The following SBF2 variants were observed in gnomAD, a reference collection of about 807,000 sequenced individuals.
The protein encoded by SBF2 is SET binding factor 2, also known as myotubularin-related protein 13.
SBF2 carries 112 observed loss-of-function variants against 225.2 expected under a neutral mutation model. The ratio of observed to expected loss-of-function variants is 0.50; its 90% CI spans 0.43 to 0.58. The LOEUF (loss-of-function observed/expected upper bound fraction) is 0.58. Ranked by LOEUF, SBF2 falls within the 20% of genes least tolerant of loss-of-function variation. The pLI, the probability that SBF2 is intolerant of heterozygous loss-of-function variation, is 0.00. For missense variants in SBF2, 1,996 were observed against 2,206.2 expected, an observed-to-expected ratio of 0.90 and a Z score of 1.91; for synonymous variants, 763 against 773.3, an observed-to-expected ratio of 0.99 and a Z score of 0.22.
chr11:9,929,035 T>C (rs1864275896), intron 16 of SBF2: 4 of 454,112 alleles, frequency 8.8e-6, no homozygotes, highest in Non-Finnish European at 1.7e-5. Context: ...GTGCAGTGCT[T>C]GTTCAAGAAG....
intron 17 of SBF2, among the ~76,000 whole-genome samples, chr11:9,861,603 GC>G (rs1159031750): frequency 6.6e-6 from 1 of 150,474 alleles, no homozygotes; most frequent in African/African-American, 2.5e-5. Context: ...GGTGGAGGTT[GC>G]AGTGAGCTGA....
intron 1 of SBF2, among the ~76,000 whole-genome samples, chr11:10,207,328 T>C (rs1218891009): frequency 1.3e-5 from 2 of 152,134 alleles, no homozygotes; most frequent in African/African-American, 2.4e-5. Context: ...ACATTGAAGA[T>C]TGGCTGAAGG....
At chr11:10,258,810 T>C (rs904829103) in intron 1 of SBF2, among the ~76,000 whole-genome samples, 1 of 152,064 alleles carries the variant, frequency 6.6e-6, no homozygotes, top group Admixed American at 6.6e-5. Context: ...GATATATCTT[T>C]AAAAATGGGA....
intron 16 of SBF2, among the ~76,000 whole-genome samples, chr11:9,935,469 T>C (rs527372668): frequency 6.6e-6 from 1 of 152,236 alleles, no homozygotes; most frequent in Admixed American, 6.5e-5. Context: ...AAAGTTCATA[T>C]GGAACCAAAA....
intron 35 of SBF2, 82 bp downstream of exon 35, chr11:9,789,027 A>T (rs1202382384): frequency 6.8e-6 from 8 of 1,171,722 alleles, no homozygotes; most frequent in Non-Finnish European, 8.9e-6. Context: ...AGCCATGTTC[A>T]GAAGTTACTT....
At chr11:10,188,592 TGA>T (rs1303832745) in intron 2 of SBF2, among the ~76,000 whole-genome samples, 2 of 152,180 alleles carry the variant, frequency 1.3e-5, no homozygotes, top group African/African-American at 4.8e-5. Flanking sequence ...TAAGCAGAAT[TGA>T]GAGACACTAG....
rs182961820 is a variant in SBF2, at chr11:10,231,442, T to C, written c.56-37455A>G. Among the ~76,000 whole-genome samples, 16 of 152,326 alleles carry C rather than the reference T, an allele frequency of 1.1e-4. No homozygotes were observed. The East Asian group carries it at 3.1e-3, about 29-fold the overall frequency. ...TTTTTTCCCCATCTTTGTGGCTTTA[T>C]CTACCTTTGGTCTTTGACAATGGTG... On this transcript the variant is annotated intron_variant, in intron 1 of 39. Coordinates refer to ENST00000256190, the MANE Select transcript of SBF2 (RefSeq NM_030962.4).
At position 10,028,177 on chromosome 11, in the gene SBF2, G is replaced by A. The variant is rs1191264045; in HGVS notation, c.619+275C>T. 2.0e-5 allele frequency among the ~76,000 whole-genome samples: 3 copies of A among 152,030 alleles called. No individual in the cohort carries two copies. The East Asian group carries it at 5.8e-4, about 29-fold the overall frequency. ...AATCCTCCTGCCTCGGCCTCCCAAA[G>A]TACTGTGATTACAGGCATGAGCTAC... On this transcript the variant is annotated intron_variant, in intron 6 of 39. Coordinates refer to ENST00000256190, the MANE Select transcript of SBF2 (RefSeq NM_030962.4).
At chr11:9,852,366 C>T (rs1304015358) in intron 21 of SBF2, among the ~76,000 whole-genome samples, 2 of 152,020 alleles carry the variant, frequency 1.3e-5, no homozygotes, top group African/African-American at 4.8e-5. Flanking sequence ...AGAAAATAGG[C>T]ACAGTATAAA....
chr11:10,286,935 A>C (rs886847852), intron 1 of SBF2, among the ~76,000 whole-genome samples: 2 of 152,224 alleles, frequency 1.3e-5, no homozygotes, highest in African/African-American at 4.8e-5. Context: ...ATGAACATGA[A>C]AACATTCAAA....
At chr11:10,067,303 T>G (rs569873677) in intron 2 of SBF2, among the ~76,000 whole-genome samples, 1 of 152,216 alleles carries the variant, frequency 6.6e-6, no homozygotes, top group Non-Finnish European at 1.5e-5. Context: ...AATCTATGTT[T>G]GAATAAATCT....
chr11:10,296,726 A>G (rs1432493615), upstream of SBF2, among the ~76,000 whole-genome samples: 1 of 152,070 alleles, frequency 6.6e-6, no homozygotes, highest in Non-Finnish European at 1.5e-5. Context: ...CCTGTTTTCA[A>G]TTTTGGGGAT....
At chr11:9,938,946 A>G (rs1360606395) in intron 16 of SBF2, among the ~76,000 whole-genome samples, 1 of 152,098 alleles carries the variant, frequency 6.6e-6, no homozygotes, top group Non-Finnish European at 1.5e-5. Flanking sequence ...AAAAATTGTA[A>G]AGGGCAATAT....
intron 13 of SBF2, among the ~76,000 whole-genome samples, chr11:9,972,238 A>G (rs1251159748): frequency 6.6e-6 from 1 of 152,134 alleles, no homozygotes; most frequent in Non-Finnish European, 1.5e-5. Context: ...GAGCTGTTAC[A>G]GTAAAGCTGT....
chr11:10,294,089 G>C lies in SBF2; in HGVS notation c.-20C>G. On this transcript the variant is annotated 5_prime_UTR_variant, in exon 1 of 40. Transcript: ENST00000256190. The stretch of plus-strand genomic sequence containing the variant: ...GGCCATGGCCGCCGCCGCCGCGCTC[G>C]GGAAGCGGGTCCCCGTCGCCGCCCT... 2 of 1,351,984 alleles carry C rather than the reference G, an allele frequency of 1.5e-6. No individual in the cohort carries two copies. Among genetic ancestry groups the C allele is most frequent in the Non-Finnish European group, 1.9e-6 (2 of 1,052,070 alleles). 83.7% of individuals were successfully genotyped at this position (1,351,984 alleles called of 1,614,324 possible). A position where few individuals can be genotyped will look rare whatever the true frequency, so the allele number is the denominator to read the frequency against.
At chr11:10,281,816 CA>C (rs1157503114) in intron 1 of SBF2, among the ~76,000 whole-genome samples, 3 of 152,170 alleles carry the variant, frequency 2.0e-5, no homozygotes, top group African/African-American at 7.2e-5. Context: ...CCCACAAACA[CA>C]AATGAGTAAC....
At chr11:9,879,388 C>A (rs1046436426) in intron 17 of SBF2, among the ~76,000 whole-genome samples, 1 of 152,062 alleles carries the variant, frequency 6.6e-6, no homozygotes, top group Non-Finnish European at 1.5e-5. Context: ...TATTCTAATT[C>A]CTATCTTCAG....
chr11:10,004,687 T>A (rs919885799), intron 6 of SBF2, among the ~76,000 whole-genome samples: 1 of 151,826 alleles, frequency 6.6e-6, no homozygotes, highest in Non-Finnish European at 1.5e-5. Flanking sequence ...GTCATCCCTG[T>A]ACTCCTGTGA....
intron 26 of SBF2, among the ~76,000 whole-genome samples, chr11:9,833,511 C>T (rs1386226281): frequency 6.6e-6 from 1 of 150,424 alleles, no homozygotes; most frequent in Non-Finnish European, 1.5e-5. Flanking sequence ...AGCTCCGCCT[C>T]CCGGGTTCAC....
Sources: gnomAD v4.1 joint callset for allele counts (sites outside exome capture counted in the v4.1 genomes callset) on GRCh38, gnomAD v4.1.1 for gene constraint, MANE v1.5 for transcripts, NCBI Gene and HGNC (gene_info 2026-07-23, HGNC 2026-07-21) for gene names.